The following TIMP2 variants were observed in gnomAD, a reference collection of about 807,000 sequenced individuals.
TIMP2 encodes the protein TIMP metallopeptidase inhibitor 2.
A neutral mutation model predicts 24.3 loss-of-function variants in TIMP2; 5 were observed. That is an observed-to-expected ratio of 0.21 (90% CI 0.11 to 0.43). TIMP2 has a LOEUF of 0.43. Ranked by LOEUF, TIMP2 falls within the 20% of genes least tolerant of loss-of-function variation. The pLI, the probability that TIMP2 is intolerant of heterozygous loss-of-function variation, is 1.00. For missense variants in TIMP2, 221 were observed against 297.5 expected, an observed-to-expected ratio of 0.74 and a Z score of 1.89; for synonymous variants, 130 against 123.2, an observed-to-expected ratio of 1.06 and a Z score of -0.37.
At chr17:78,870,743 C>T (rs183057605) in intron 3 of TIMP2, among the ~76,000 whole-genome samples, 155 bp downstream of exon 3, 4 of 152,198 alleles carry the variant, frequency 2.6e-5, no homozygotes, top group African/African-American at 4.8e-5. Context: ...CATTCTCTGA[C>T]GGGAAGTGGC....
chr17:78,872,003 A>G (rs922726317), intron 2 of TIMP2, among the ~76,000 whole-genome samples: 2 of 151,794 alleles, frequency 1.3e-5, no homozygotes, highest in Non-Finnish European at 2.9e-5. Context: ...TGACTTTTGC[A>G]TATTTCCAGG....
At chr17:78,908,722 C>T (rs528860169) in intron 1 of TIMP2, among the ~76,000 whole-genome samples, 1 of 152,340 alleles carries the variant, frequency 6.6e-6, no homozygotes, top group East Asian at 1.9e-4. Flanking sequence ...ATGCATTTGC[C>T]TGGTTGTTTT....
At chr17:78,879,705 G>A (rs897187007) in intron 1 of TIMP2, among the ~76,000 whole-genome samples, 3 of 152,156 alleles carry the variant, frequency 2.0e-5, no homozygotes, top group African/African-American at 7.2e-5. Flanking sequence ...CCCTTCTGCT[G>A]TGAACACAAC....
intron 3 of TIMP2, among the ~76,000 whole-genome samples, chr17:78,869,207 G>A: frequency 6.6e-6 from 1 of 151,786 alleles, no homozygotes; most frequent in East Asian, 1.9e-4. Flanking sequence ...GATTGCTTGA[G>A]CCTCGGAGTT....
At chr17:78,892,632 T>A in intron 1 of TIMP2, 1 of 973,888 alleles carries the variant, frequency 1.0e-6, no homozygotes, top group Non-Finnish European at 1.5e-6. Flanking sequence ...CCAATTTCTG[T>A]CCTGTACACT....
intron 1 of TIMP2, chr17:78,897,819 C>T (rs2070027440): frequency 6.6e-6 from 1 of 152,236 alleles, no homozygotes; most frequent in Admixed American, 6.5e-5. Flanking sequence ...GCTAGAGTCA[C>T]TGCAACATGA....
chr17:78,913,173 C>T (rs1159458375), intron 1 of TIMP2, among the ~76,000 whole-genome samples: 1 of 152,136 alleles, frequency 6.6e-6, no homozygotes, highest in Non-Finnish European at 1.5e-5. Context: ...GGGAGGCCGA[C>T]TGCCGGCTAC....
chr17:78,919,691 C>G (rs1011532311), intron 1 of TIMP2, among the ~76,000 whole-genome samples: 9 of 152,084 alleles, frequency 5.9e-5, no homozygotes, highest in African/African-American at 2.2e-4. Context: ...AAAAATTAGC[C>G]GGGCATGGTG....
intron 3 of TIMP2, among the ~76,000 whole-genome samples, chr17:78,864,691 T>C (rs1011321039): frequency 3.3e-5 from 5 of 152,128 alleles, no homozygotes; most frequent in African/African-American, 9.7e-5. Context: ...TGAAAACATA[T>C]ATAGAATTCA....
At chr17:78,909,557 G>A (rs1486143807) in intron 1 of TIMP2, among the ~76,000 whole-genome samples, 1 of 148,030 alleles carries the variant, frequency 6.8e-6, no homozygotes, top group African/African-American at 2.5e-5. Flanking sequence ...TGGTGCCAGA[G>A]GCCTGGCCAT....
chr17:78,870,371 G>A (rs140755091), intron 3 of TIMP2, among the ~76,000 whole-genome samples: 2,627 of 147,054 alleles, frequency 0.018, 85 homozygotes, highest in African/African-American at 0.061. Flanking sequence ...AGCCAAGATC[G>A]CACCACTGCA....
At chr17:78,882,158 G>A (rs1439520508) in intron 1 of TIMP2, among the ~76,000 whole-genome samples, 1 of 152,216 alleles carries the variant, frequency 6.6e-6, no homozygotes, top group Non-Finnish European at 1.5e-5. Context: ...TTTTAGTAGA[G>A]ATGGGGTTTC....
At chr17:78,913,184 A>G (rs754772485) in intron 1 of TIMP2, among the ~76,000 whole-genome samples, 1 of 152,198 alleles carries the variant, frequency 6.6e-6, no homozygotes, top group African/African-American at 2.4e-5. Flanking sequence ...TGCCGGCTAC[A>G]GGACCTCGCC....
In TIMP2 at chr17:78,891,275, G is replaced by C. The variant is rs2069888416; in HGVS notation, c.131-17356C>G. The C allele has an allele frequency of 6.4e-7, 1 of 1,550,448 alleles. No individual in the cohort carries two copies. The highest frequency in any genetic ancestry group is 1.4e-5 in the African/African-American group (1 of 73,026). On this transcript the variant is annotated intron_variant, in intron 1 of 4. Transcript: ENST00000262768. This position sits in a 1 kb window ranked among gnomAD's most constrained non-coding sequence, Gnocchi z 4.5. ...CGCTGCCTGCTGCGCCTCCTCCTCT[G>C]CTGGGCTCCTGGGTTCCCCGGCAGG... is the stretch of plus-strand genomic sequence containing the variant.
intron 1 of TIMP2, among the ~76,000 whole-genome samples, chr17:78,877,826 C>T (rs1216830049): frequency 2.0e-5 from 3 of 151,834 alleles, no homozygotes; most frequent in Non-Finnish European, 4.4e-5. Flanking sequence ...GCCTCAGCCT[C>T]CCAAGTAGCT....
chr17:78,873,330 C>T (rs1223810242), intron 2 of TIMP2, among the ~76,000 whole-genome samples: 2 of 51,974 alleles, frequency 3.8e-5, no homozygotes, highest in Admixed American at 2.6e-4. Flanking sequence ...TTAATACAAG[C>T]TCTCACTCTG....
At chr17:78,902,063 T>C (rs1192456332) in intron 1 of TIMP2, 1 of 506,954 alleles carries the variant, frequency 2.0e-6, no homozygotes, top group Non-Finnish European at 3.5e-6. Context: ...CGCCCTCTTC[T>C]CCCCAACTCT....
In TIMP2 at chr17:78,854,928, G is replaced by T. The variant is rs1411993757; in HGVS notation, c.*739C>A. On this transcript the variant is annotated 3_prime_UTR_variant, in exon 5 of 5. Transcript: ENST00000262768. ...AGCTGGGGAGCATGTGGGCGGGGGG[G>T]GGGGGGTGGGGGGGTGGGTGCAGAC... 20 of 129,498 alleles carry T rather than the reference G, an allele frequency of 1.5e-4. 1 individual carries two copies. The highest frequency in any genetic ancestry group is 9.8e-4 in the South Asian group (3 of 3,064). The allele number at this position is 129,498 out of a possible 1,614,324, so 8.0% of individuals were successfully genotyped here. A position where few individuals can be genotyped will look rare whatever the true frequency, so the allele number is the denominator to read the frequency against.
At chr17:78,916,569 G>A (rs1043359757) in intron 1 of TIMP2, among the ~76,000 whole-genome samples, 3 of 152,146 alleles carry the variant, frequency 2.0e-5, no homozygotes, top group Non-Finnish European at 4.4e-5. Context: ...CCATGGCCCC[G>A]CTCAGGGCCT....
Sources: gnomAD v4.1 joint callset for allele counts (sites outside exome capture counted in the v4.1 genomes callset) on GRCh38, gnomAD v4.1.1 for gene constraint, Gnocchi (gnomAD v3.1) non-coding constraint, MANE v1.5 for transcripts, NCBI Gene and HGNC (gene_info 2026-07-23, HGNC 2026-07-21) for gene names.